The following GAPVD1 variants were observed in gnomAD, a reference collection of about 807,000 sequenced individuals.
GAPVD1 encodes the protein GTPase activating protein and VPS9 domains 1.
In GAPVD1, 35 loss-of-function variants were observed where a neutral mutation model predicts 155.5. The ratio of observed to expected loss-of-function variants is 0.23; its 90% CI spans 0.17 to 0.30. The LOEUF (loss-of-function observed/expected upper bound fraction) is 0.30. GAPVD1 is among the 10% of genes least tolerant of loss of function. The probability of loss-of-function intolerance (pLI) is 1.00; values close to 1 mark genes in which losing one functional copy is unlikely to be tolerated. For missense variants in GAPVD1, 1,429 were observed against 1,775.7 expected (o/e 0.80, Z 3.51); for synonymous variants, 636 against 619.7 (o/e 1.03, Z -0.39).
intron 19 of GAPVD1, among the ~76,000 whole-genome samples, chr9:125,342,591 G>A (rs1847972551): frequency 6.6e-6 from 1 of 152,226 alleles, no homozygotes; most frequent in Non-Finnish European, 1.5e-5. Flanking sequence ...CTAGTGGGAT[G>A]ATGACACACA....
Position 125,364,405 on chromosome 9 carries a change from C to G in GAPVD1, c.*1659C>G, listed in dbSNP as rs188995553. On this transcript the variant is annotated 3_prime_UTR_variant, in exon 28 of 28. Transcript: ENST00000297933. The stretch of plus-strand genomic sequence containing the variant: ...GACTACAGGCGCATGTCACCAAGCC[C>G]GGCTAATTTTTGTATTTTTAGTAGA... The G allele has an allele frequency of 6.6e-5, 10 of 152,036 alleles. No individual in the cohort carries two copies. The highest frequency in any genetic ancestry group is 6.6e-4 in the Admixed American group (10 of 15,242). The allele number at this position is 152,036 out of a possible 1,614,324, so 9.4% of individuals were successfully genotyped here. A position where few individuals can be genotyped will look rare whatever the true frequency, so the allele number is the denominator to read the frequency against.
At position 125,290,557 on chromosome 9, in the gene GAPVD1, C is replaced by T. The variant is rs566151603; in HGVS notation, c.-149-4901C>T. ...CTCAATGAAGACAAAAGCGCGGAGC[C>T]GAATAAGGATAAGGGAAGAGGTGTT... On this transcript the variant is annotated intron_variant, in intron 2 of 27. Transcript: ENST00000297933. Among the ~76,000 whole-genome samples, 50 of 152,114 alleles carry T rather than the reference C, an allele frequency of 3.3e-4. No homozygotes were observed. The South Asian group carries it at 9.5e-3, about 29-fold the overall frequency.
chr9:125,346,666 G>A lies in GAPVD1; in HGVS notation c.3047-153G>A. ...TCAGACCTAGAAATGGGATGAGTAG[G>A]CAGCTGCATGGTGCCTCTTAACATT... On this transcript the variant is annotated intron_variant, in intron 19 of 27. Transcript: ENST00000297933. The A allele has an allele frequency of 4.3e-6, 3 of 702,934 alleles. No individual in the cohort carries two copies. The South Asian group carries it at 4.6e-5, about 11-fold the overall frequency. 43.5% of individuals were successfully genotyped at this position (702,934 alleles called of 1,614,324 possible). A position where few individuals can be genotyped will look rare whatever the true frequency, so the allele number is the denominator to read the frequency against.
At chr9:125,262,310 C>T (rs1278548388) in intron 1 of GAPVD1, among the ~76,000 whole-genome samples, 2 of 152,132 alleles carry the variant, frequency 1.3e-5, no homozygotes, top group East Asian at 1.9e-4. Context: ...GTATAGGAGG[C>T]GAGAACGAAA....
chr9:125,292,191 AC>A (rs1838717192), intron 2 of GAPVD1, among the ~76,000 whole-genome samples: 1 of 152,022 alleles, frequency 6.6e-6, no homozygotes. Context: ...GAGCCATGAT[AC>A]CGCCACTGCA....
At chr9:125,300,005 T>C in intron 4 of GAPVD1, among the ~76,000 whole-genome samples, 1 of 87,668 alleles carries the variant, frequency 1.1e-5, no homozygotes, top group Non-Finnish European at 2.1e-5. Flanking sequence ...GGTGACAGAG[T>C]GAGACTCTGT....
At chr9:125,287,244 A>G (rs1445996757) in intron 2 of GAPVD1, among the ~76,000 whole-genome samples, 1 of 151,924 alleles carries the variant, frequency 6.6e-6, no homozygotes, top group Non-Finnish European at 1.5e-5. Flanking sequence ...CGATGAACTC[A>G]AAGTAAAAAT....
chr9:125,298,400 G>A (rs1310315514), intron 3 of GAPVD1, among the ~76,000 whole-genome samples: 1 of 150,546 alleles, frequency 6.6e-6, no homozygotes, highest in African/African-American at 2.4e-5. Context: ...ATTTTTCTAT[G>A]CTGAACCTGT....
At chr9:125,317,690 G>T (rs1843662925) in intron 9 of GAPVD1, among the ~76,000 whole-genome samples, 1 of 150,382 alleles carries the variant, frequency 6.6e-6, no homozygotes, top group Non-Finnish European at 1.5e-5. Flanking sequence ...CACAGACATT[G>T]GACTTACTCA....
chr9:125,323,954 T>G (rs926932920), intron 11 of GAPVD1, 31 bp downstream of exon 11: 7 of 1,601,446 alleles, frequency 4.4e-6, no homozygotes, highest in Non-Finnish European at 6.0e-6. Context: ...GTTGCCTAAG[T>G]AGCAAAGAAT....
chr9:125,285,426 T>C (rs961239108), intron 2 of GAPVD1, among the ~76,000 whole-genome samples: 5 of 151,006 alleles, frequency 3.3e-5, no homozygotes, highest in Admixed American at 6.6e-5. Context: ...TTAATATGCA[T>C]GGGCATAATC....
chr9:125,314,523 G>A (rs566579590), intron 9 of GAPVD1, among the ~76,000 whole-genome samples: 3 of 151,944 alleles, frequency 2.0e-5, no homozygotes, highest in South Asian at 2.1e-4. Context: ...GTGTGGTGGC[G>A]CATGCCTGTA....
intron 19 of GAPVD1, 117 bp downstream of exon 19, chr9:125,342,416 G>A: frequency 2.9e-6 from 2 of 683,570 alleles, no homozygotes; most frequent in Non-Finnish European, 5.2e-6. Context: ...TGTGTACAGT[G>A]GGGAGTATGT....
Position 125,335,218 on chromosome 9 carries a change from A to G in GAPVD1, c.2429-1800A>G, listed in dbSNP as rs749691370. 20 of 771,642 alleles carry G rather than the reference A, an allele frequency of 2.6e-5. No individual in the cohort carries two copies. The African/African-American group carries it at 3.1e-4, about 12-fold the overall frequency. 47.8% of individuals were successfully genotyped at this position (771,642 alleles called of 1,614,324 possible). A position where few individuals can be genotyped will look rare whatever the true frequency, so the allele number is the denominator to read the frequency against. Reference sequence around the variant, plus strand: ...CAAAACAACATTTTCAACACATTGAAGCAGAAGCAGACATGAGAATCCAGC... The same window carrying G: ...CAAAACAACATTTTCAACACATTGAGGCAGAAGCAGACATGAGAATCCAGC... On this transcript the variant is annotated intron_variant, in intron 15 of 27. Coordinates refer to ENST00000297933, the MANE Select transcript of GAPVD1 (RefSeq NM_001282680.3).
At chr9:125,293,552 C>T (rs1205749138) in intron 2 of GAPVD1, among the ~76,000 whole-genome samples, 1 of 113,406 alleles carries the variant, frequency 8.8e-6, no homozygotes, top group Non-Finnish European at 1.9e-5. Context: ...CGGGTTCAAG[C>T]GATTCTTCTG....
chr9:125,331,506 T>A (rs974082575), intron 13 of GAPVD1, among the ~76,000 whole-genome samples: 3 of 152,216 alleles, frequency 2.0e-5, no homozygotes, highest in Non-Finnish European at 2.9e-5. Context: ...TGGCCTGTTT[T>A]ATAATGTTAA....
At chr9:125,271,311 T>C (rs1834876302) in intron 2 of GAPVD1, among the ~76,000 whole-genome samples, 1 of 151,994 alleles carries the variant, frequency 6.6e-6, no homozygotes, top group African/African-American at 2.4e-5. Flanking sequence ...GTAGAAAGCA[T>C]GTTGTCAGAC....
chr9:125,330,611 C>T (rs1845936323), intron 13 of GAPVD1, among the ~76,000 whole-genome samples: 1 of 152,276 alleles, frequency 6.6e-6, no homozygotes, highest in African/African-American at 2.4e-5. Context: ...GCCATCATGC[C>T]CAGCCAGTTA....
chr9:125,355,669 C>T lies in GAPVD1; in HGVS notation c.3783C>T (p.Asp1261=), dbSNP rs145331235. ...IQDFQKLTAA[D]DKTAQVEDFL... is the part of the protein sequence containing the mutation. ...ACTTTCAGAAACTCACCGCAGCTGA[C>T]GATAAAACTGCTCAGGTAGAAGATT... is the stretch of plus-strand genomic sequence containing the variant. Residue 1261 remains aspartate, a synonymous_variant, in exon 25 of 28, where the codon GAC becomes GAT. Transcript: ENST00000297933. The T allele has an allele frequency of 7.6e-5, 123 of 1,612,310 alleles. 1 individual carries two copies. The highest frequency in any genetic ancestry group is 2.2e-4 in the East Asian group (10 of 44,878).
Sources: gnomAD v4.1 joint callset for allele counts (sites outside exome capture counted in the v4.1 genomes callset) on GRCh38, gnomAD v4.1.1 for gene constraint, MANE v1.5 for transcripts, NCBI Gene and HGNC (gene_info 2026-07-23, HGNC 2026-07-21) for gene names.